TMEM38A: variants seen among roughly 807,000 people sequenced by gnomAD.
The protein encoded by TMEM38A is trimeric intracellular cation channel type A.
In TMEM38A, 17 loss-of-function variants were observed where a neutral mutation model predicts 28.6. That is an observed-to-expected ratio of 0.60 (90% CI 0.41 to 0.89). The LOEUF (loss-of-function observed/expected upper bound fraction) is 0.89, where lower values mean the gene tolerates loss of function less well. Among genes scored for constraint, TMEM38A ranks in the 40% least tolerant of loss-of-function variants. TMEM38A has a pLI of 0.00. For synonymous variants in TMEM38A, 169 were observed against 166.1 expected (o/e 1.02, Z -0.14); for missense variants, 328 against 393.1 (o/e 0.83, Z 1.40).
Position 16,682,489 on chromosome 19 carries a change from G to C in TMEM38A, c.535G>C (p.Glu179Gln). The C allele has an allele frequency of 1.9e-6, 3 of 1,613,952 alleles. No individual in the cohort carries two copies. Among genetic ancestry groups the C allele is most frequent in the Middle Eastern group, 1.7e-4 (1 of 6,060 alleles). Residue 179 changes from glutamate (E) to glutamine (Q), a missense_variant, in exon 4 of 6, where the codon GAG (glutamate) becomes CAG (glutamine). Coordinates refer to ENST00000187762, the MANE Select transcript of TMEM38A (RefSeq NM_024074.4). Reference sequence around the variant, plus strand: ...AGGGGTCTGGAAGCCAGAGACCAACGAGATCCTGCACATGTCTTTGTGAGT... The same window carrying C: ...AGGGGTCTGGAAGCCAGAGACCAACCAGATCCTGCACATGTCTTTGTGAGT... ...LRGVWKPETN[E>Q]ILHMSFPTKA...
intron 1 of TMEM38A, among the ~76,000 whole-genome samples, chr19:16,666,187 G>T (rs2086702355): frequency 6.6e-6 from 1 of 151,906 alleles, no homozygotes; most frequent in African/African-American, 2.4e-5. Flanking sequence ...CACCACGTTG[G>T]CCAGGATGGT....
At chr19:16,677,859 G>A (rs1056840683) in intron 1 of TMEM38A, among the ~76,000 whole-genome samples, 3 of 151,908 alleles carry the variant, frequency 2.0e-5, no homozygotes, top group East Asian at 1.9e-4. Context: ...TGCCCAGCCC[G>A]GAAATAAAAG....
Position 16,679,991 on chromosome 19 carries a change from C to T in TMEM38A, c.132C>T (p.Val44=), listed in dbSNP as rs1045383904. ...ILYLKYEPGA[V]ELSRRHPIAS... ...CACTCCTGTGCCTCCCAGGAGCAGT[C>T]GAACTGTCCCGGCGCCACCCCATCG... is the stretch of plus-strand genomic sequence containing the variant. Residue 44 remains valine (V), a synonymous_variant, in exon 2 of 6, where the codon GTC becomes GTT. Transcript: ENST00000187762. 18 of 1,603,588 alleles carry T rather than the reference C, an allele frequency of 1.1e-5. No individual in the cohort carries two copies. Among genetic ancestry groups the T allele is most frequent in the African/African-American group, 2.7e-5 (2 of 74,890 alleles).
chr19:16,685,030 TAGAG>T (rs2086796022), intron 4 of TMEM38A, among the ~76,000 whole-genome samples: 1 of 129,590 alleles, frequency 7.7e-6, no homozygotes, highest in Non-Finnish European at 1.6e-5. Flanking sequence ...GCCTGGGTGA[TAGAG>T]AGAGACCCTG....
At chr19:16,668,502 C>CA (rs1215843373) in intron 1 of TMEM38A, among the ~76,000 whole-genome samples, 14,230 of 73,398 alleles carry the variant, frequency 0.19, 1,546 homozygotes, top group African/African-American at 0.38. Context: ...GACTCTGTCT[C>CA]AAAAAAAAAA....
At chr19:16,669,570 A>C (rs189153135) in intron 1 of TMEM38A, among the ~76,000 whole-genome samples, 164 of 152,264 alleles carry the variant, frequency 1.1e-3, no homozygotes, top group Non-Finnish European at 1.9e-3. Flanking sequence ...CCCTGATTTG[A>C]GATCTCTGGT....
chr19:16,663,683 C>A (rs1285414753), intron 1 of TMEM38A, among the ~76,000 whole-genome samples: 2 of 151,656 alleles, frequency 1.3e-5, no homozygotes, highest in East Asian at 3.9e-4. Flanking sequence ...CGCCCACCAC[C>A]ATGCCCGGCT....
chr19:16,671,351 C>T lies in TMEM38A; in HGVS notation c.125-8633C>T, dbSNP rs138805788. On this transcript the variant is annotated intron_variant, in intron 1 of 5. Coordinates refer to ENST00000187762, the MANE Select transcript of TMEM38A (RefSeq NM_024074.4). Reference sequence around the variant, plus strand: ...CTGAGTAGCTGGGATTATAGCCATCCGCCACCATACCCAGCTAATTTTTGT... The same window carrying T: ...CTGAGTAGCTGGGATTATAGCCATCTGCCACCATACCCAGCTAATTTTTGT... Among the ~76,000 whole-genome samples, 254 of 151,922 alleles carry T rather than the reference C, an allele frequency of 1.7e-3. 1 individual carries two copies. The highest frequency in any genetic ancestry group is 2.7e-3 in the Non-Finnish European group (181 of 67,982).
At chr19:16,674,411 TGGG>T (rs71180305) in intron 1 of TMEM38A, among the ~76,000 whole-genome samples, 7 of 145,078 alleles carry the variant, frequency 4.8e-5, no homozygotes, top group African/African-American at 1.3e-4. Context: ...AAAAAAAAGT[TGGG>T]GGGATCCAAC....
intron 1 of TMEM38A, among the ~76,000 whole-genome samples, chr19:16,662,492 C>T (rs1006212192): frequency 2.5e-5 from 3 of 119,550 alleles, no homozygotes; most frequent in East Asian, 2.4e-4. Context: ...TTCGCTCTGT[C>T]GCCCAGGCTG....
At chr19:16,663,510 G>T (rs949344336) in intron 1 of TMEM38A, among the ~76,000 whole-genome samples, 5 of 151,704 alleles carry the variant, frequency 3.3e-5, no homozygotes, top group Admixed American at 6.6e-5. Context: ...TTCATGAGAC[G>T]CTCCTGGGAG....
chr19:16,678,816 T>C (rs1032342804), intron 1 of TMEM38A, among the ~76,000 whole-genome samples: 1 of 148,836 alleles, frequency 6.7e-6, no homozygotes, highest in African/African-American at 2.5e-5. Flanking sequence ...AATGTATATT[T>C]TACAAAAAAA....
At chr19:16,684,359 A>G (rs1333837555) in intron 4 of TMEM38A, among the ~76,000 whole-genome samples, 1 of 152,016 alleles carries the variant, frequency 6.6e-6, no homozygotes, top group Non-Finnish European at 1.5e-5. Flanking sequence ...GTGTGCCTGT[A>G]GTCCCAGCTA....
At chr19:16,677,914 T>C (rs2086759361) in intron 1 of TMEM38A, among the ~76,000 whole-genome samples, 1 of 152,056 alleles carries the variant, frequency 6.6e-6, no homozygotes, top group Non-Finnish European at 1.5e-5. Context: ...GACATTATGC[T>C]CAATAAGCCA....
At chr19:16,663,854 C>G (rs890000990) in intron 1 of TMEM38A, among the ~76,000 whole-genome samples, 2 of 151,548 alleles carry the variant, frequency 1.3e-5, no homozygotes, top group African/African-American at 4.9e-5. Context: ...GCTTTTAAAC[C>G]CCCTATCTCC....
chr19:16,680,474 C>T lies in TMEM38A; in HGVS notation c.359C>T (p.Ala120Val). The T allele has an allele frequency of 6.2e-7, 1 of 1,614,160 alleles. No individual in the cohort carries two copies. The highest frequency in any genetic ancestry group is 8.5e-7 in the Non-Finnish European group (1 of 1,180,032). The change falls in exon 3 of 6, where the codon GCC becomes GTC. Residue 120 changes from alanine to valine, a missense_variant. Coordinates refer to ENST00000187762, the MANE Select transcript of TMEM38A (RefSeq NM_024074.4). ...CTGCCTGTGAAACTCATCTTCGTGG[C>T]CATGAAGGAGGTGGTGCGAGTCCGC... The part of the protein sequence containing the change: ...CFLPVKLIFV[A>V]MKEVVRVRKI...
At chr19:16,679,182 A>AAAG (rs59658131) in intron 1 of TMEM38A, among the ~76,000 whole-genome samples, 35,465 of 139,816 alleles carry the variant, frequency 0.25, 8,217 homozygotes, top group African/African-American at 0.6. Context: ...AAAAAAAAAA[A>AAAG]AAGAATACCA....
At chr19:16,681,322 A>C (rs963044730) in intron 3 of TMEM38A, among the ~76,000 whole-genome samples, 1 of 152,148 alleles carries the variant, frequency 6.6e-6, no homozygotes, top group Non-Finnish European at 1.5e-5. Flanking sequence ...GTAATAATGA[A>C]AATGTTATTA....
At chr19:16,675,282 G>A (rs1248015867) in intron 1 of TMEM38A, among the ~76,000 whole-genome samples, 1 of 152,126 alleles carries the variant, frequency 6.6e-6, no homozygotes, top group Admixed American at 6.6e-5. Context: ...CACCCAGGCT[G>A]GAGTGCAGTG....
Sources: allele counts gnomAD v4.1 joint callset (sites outside exome capture counted in the v4.1 genomes callset), GRCh38; gene constraint gnomAD v4.1.1; transcripts MANE v1.5; gene names NCBI Gene and HGNC (gene_info 2026-07-23, HGNC 2026-07-21).